The following RB1 variants were observed in gnomAD, a reference collection of about 807,000 sequenced individuals.
RB1 encodes the protein retinoblastoma-associated protein.
RB1 carries 18 observed loss-of-function variants against 135.4 expected under a neutral mutation model. The observed-to-expected ratio is 0.13, with a 90% confidence interval of 0.09 to 0.20. The LOEUF is 0.20. Among genes scored for constraint, RB1 ranks in the 10% least tolerant of loss-of-function variants. The probability of loss-of-function intolerance (pLI) is 1.00; values close to 1 mark genes in which losing one functional copy is unlikely to be tolerated. For missense variants in RB1, 868 were observed against 1,110.0 expected (o/e 0.78, Z 3.10); for synonymous variants, 365 against 373.2 (o/e 0.98, Z 0.25).
intron 17 of RB1, among the ~76,000 whole-genome samples, chr13:48,424,417 A>C (rs181727903): frequency 9.8e-4 from 150 of 152,340 alleles, no homozygotes; most frequent in Non-Finnish European, 1.6e-3. Context: ...GTAGAAGAGG[A>C]AAGATTTAAA....
At chr13:48,316,499 A>G (rs1295389252) in intron 2 of RB1, among the ~76,000 whole-genome samples, 4 of 152,208 alleles carry the variant, frequency 2.6e-5, no homozygotes. Context: ...ACTTGTATGC[A>G]GAACACAGGA....
chr13:48,310,505 C>A (rs1045536369), intron 2 of RB1, among the ~76,000 whole-genome samples: 3 of 152,090 alleles, frequency 2.0e-5, no homozygotes, highest in African/African-American at 7.2e-5. Flanking sequence ...ACAGTAATTT[C>A]TGGATCTTGG....
intron 2 of RB1, 138 bp from the exon 3 acceptor site, chr13:48,342,461 T>C: frequency 1.8e-6 from 1 of 570,042 alleles, no homozygotes; most frequent in Non-Finnish European, 3.1e-6. Flanking sequence ...ATCAGAAGGA[T>C]GTGTTACAAA....
At chr13:48,346,099 C>T (rs1287956799) in intron 4 of RB1, among the ~76,000 whole-genome samples, 284 of 117,018 alleles carry the variant, frequency 2.4e-3, no homozygotes, top group South Asian at 3.2e-3. Context: ...CATTGGCCAT[C>T]TTTTTTTTTT....
intron 6 of RB1, among the ~76,000 whole-genome samples, chr13:48,359,513 C>G (rs1019408962): frequency 1.4e-5 from 2 of 146,548 alleles, no homozygotes; most frequent in African/African-American, 4.9e-5. Context: ...TTCTAATAAA[C>G]TTAGTAATTT....
chr13:48,351,516 T>C (rs1952547551), intron 6 of RB1, among the ~76,000 whole-genome samples: 1 of 152,188 alleles, frequency 6.6e-6, no homozygotes, highest in South Asian at 2.1e-4. Context: ...TTGCAAAATT[T>C]TTCCCCATTC....
intron 16 of RB1, 112 bp downstream of exon 16, chr13:48,380,353 AT>A: frequency 1.2e-6 from 1 of 808,236 alleles, no homozygotes; most frequent in Non-Finnish European, 2.1e-6. Flanking sequence ...AGGAATGCTT[AT>A]TTTAGATCAC....
chr13:48,320,596 G>T, intron 2 of RB1: 1 of 372,414 alleles, frequency 2.7e-6, no homozygotes, highest in East Asian at 6.2e-5. Context: ...ACTTTGAGAG[G>T]CCGAGGCGGG....
chr13:48,316,650 G>A (rs1375489951), intron 2 of RB1, among the ~76,000 whole-genome samples: 1 of 150,706 alleles, frequency 6.6e-6, no homozygotes, highest in Non-Finnish European at 1.5e-5. Context: ...ATTGTTTCAT[G>A]TTGGTGTACG....
chr13:48,354,206 C>T (rs993366949), intron 6 of RB1, among the ~76,000 whole-genome samples: 5 of 152,178 alleles, frequency 3.3e-5, no homozygotes, highest in Non-Finnish European at 7.4e-5. Context: ...CACAAGAAAA[C>T]TATTAGAACT....
At chr13:48,380,588 G>C (rs1948527544) in intron 16 of RB1, among the ~76,000 whole-genome samples, 1 of 152,166 alleles carries the variant, frequency 6.6e-6, no homozygotes, top group South Asian at 2.1e-4. Context: ...AAGCACTGCT[G>C]TAACCTCCAT....
At chr13:48,458,536 C>T (rs1376819286) in intron 19 of RB1, among the ~76,000 whole-genome samples, 2 of 152,092 alleles carry the variant, frequency 1.3e-5, no homozygotes, top group Non-Finnish European at 2.9e-5. Context: ...ATCCACATCA[C>T]CTGGAAATTG....
Position 48,465,069 on chromosome 13 carries a change from G to A in RB1, c.2283G>A (p.Met761Ile), listed in dbSNP as rs2138344882. Residue 761 changes from methionine to isoleucine, a missense_variant, in exon 22 of 27, where the codon ATG (methionine) becomes ATA (isoleucine). By Grantham distance (10) the Met-to-Ile change is conservative. This residue lies in a region of RB1 where 196 missense variants were observed against 239.8 expected (regional missense o/e 0.82). Transcript: ENST00000267163. ...TAGTATTCTATAACTCGGTCTTCAT[G>A]CAGAGACTGAAAACAAATATTTTGC... ...SIIVFYNSVF[M>I]QRLKTNILQY... The A allele has an allele frequency of 6.2e-7, 1 of 1,603,290 alleles. No individual in the cohort carries two copies. Among genetic ancestry groups the A allele is most frequent in the Non-Finnish European group, 8.5e-7 (1 of 1,175,548 alleles).
chr13:48,306,732 C>A (rs187238879), intron 1 of RB1, among the ~76,000 whole-genome samples: 1 of 152,166 alleles, frequency 6.6e-6, no homozygotes, highest in Admixed American at 6.5e-5. Context: ...TAGTAGATAA[C>A]ACATAGAAAT....
intron 2 of RB1, among the ~76,000 whole-genome samples, chr13:48,309,677 CA>C (rs1165599112): frequency 6.6e-6 from 1 of 152,104 alleles, no homozygotes; most frequent in Non-Finnish European, 1.5e-5. Context: ...TTATAAAGAG[CA>C]TTAGTGAATA....
At chr13:48,458,786 A>T (rs1464762037) in intron 19 of RB1, among the ~76,000 whole-genome samples, 1 of 152,256 alleles carries the variant, frequency 6.6e-6, no homozygotes, top group African/African-American at 2.4e-5. Context: ...ATTCAATTTT[A>T]TGGATTCCTT....
At chr13:48,382,966 T>G (rs1196191624) in intron 17 of RB1, among the ~76,000 whole-genome samples, 1 of 152,104 alleles carries the variant, frequency 6.6e-6, no homozygotes, top group Non-Finnish European at 1.5e-5. Flanking sequence ...TTTCTCCATT[T>G]CTTGTTTTTG....
intron 17 of RB1, among the ~76,000 whole-genome samples, chr13:48,397,642 T>TA (rs1259193663): frequency 3.3e-5 from 5 of 152,076 alleles, no homozygotes; most frequent in East Asian, 1.9e-4. Flanking sequence ...TAAAGTATAA[T>TA]AAAAAAACAG....
In RB1 at chr13:48,477,468, T is replaced by C. The variant is rs539563703; in HGVS notation, c.2713+64T>C. On this transcript the variant is annotated intron_variant, in intron 26 of 26. Coordinates refer to ENST00000267163, the MANE Select transcript of RB1 (RefSeq NM_000321.3). ...ATTGTTTACACTGCAAGAAGTCTTT[T>C]CGTTATATAAAAGAATGTATAATTT... The C allele has an allele frequency of 1.5e-5, 19 of 1,304,058 alleles. No homozygotes were observed. Among genetic ancestry groups the C allele is most frequent in the African/African-American group, 1.2e-4 (8 of 68,590 alleles). The allele number at this position is 1,304,058 out of a possible 1,614,324, so 80.8% of individuals were successfully genotyped here.
Sources: allele counts gnomAD v4.1 joint callset (sites outside exome capture counted in the v4.1 genomes callset), GRCh38; gene constraint gnomAD v4.1.1; regional missense constraint gnomAD v4.1.1; transcripts MANE v1.5; gene names NCBI Gene and HGNC (gene_info 2026-07-23, HGNC 2026-07-21).